PTPRD: variants seen among roughly 807,000 people sequenced by gnomAD.
The protein encoded by PTPRD is protein tyrosine phosphatase receptor type D.
Under a neutral mutation model 214.5 loss-of-function variants are expected in PTPRD, and 34 were observed. That is an observed-to-expected ratio of 0.16 (90% CI 0.12 to 0.21). The LOEUF is 0.21. Ranked by LOEUF, PTPRD falls within the 10% of genes least tolerant of loss-of-function variation. The probability of loss-of-function intolerance (pLI) is 1.00; values close to 1 mark genes in which losing one functional copy is unlikely to be tolerated. For missense variants in PTPRD, 2,545 were observed against 2,398.7 expected (o/e 1.06, Z -1.27); for synonymous variants, 1,128 against 845.7 (o/e 1.33, Z -5.79).
intron 8 of PTPRD, among the ~76,000 whole-genome samples, chr9:9,478,928 A>G (rs2095257218): frequency 6.6e-6 from 1 of 152,026 alleles, no homozygotes; most frequent in African/African-American, 2.4e-5. Flanking sequence ...TTTTTTGGCA[A>G]CTCTTGGTTT....
At chr9:9,547,219 C>G (rs940223210) in intron 8 of PTPRD, among the ~76,000 whole-genome samples, 1 of 152,028 alleles carries the variant, frequency 6.6e-6, no homozygotes, top group African/African-American at 2.4e-5. Context: ...ACAATTATTT[C>G]AGAAAAAGTA....
chr9:9,284,287 G>C (rs1268155983), intron 9 of PTPRD, among the ~76,000 whole-genome samples: 1 of 151,562 alleles, frequency 6.6e-6, no homozygotes, highest in Non-Finnish European at 1.5e-5. Context: ...AAGTTTGTTG[G>C]TTTTTATTAT....
chr9:9,047,194 C>A (rs972056629), intron 10 of PTPRD, among the ~76,000 whole-genome samples: 3 of 151,802 alleles, frequency 2.0e-5, no homozygotes, highest in African/African-American at 4.8e-5. Flanking sequence ...AGGAATTAAC[C>A]AAACAAGTGA....
intron 9 of PTPRD, among the ~76,000 whole-genome samples, chr9:9,270,834 C>T (rs1409215696): frequency 1.3e-5 from 2 of 151,274 alleles, no homozygotes; most frequent in Non-Finnish European, 3.0e-5. Flanking sequence ...GATTCACACA[C>T]ATTTTAAGGG....
chr9:9,221,154 C>T (rs1434279953), intron 9 of PTPRD, among the ~76,000 whole-genome samples: 1 of 152,058 alleles, frequency 6.6e-6, no homozygotes, highest in African/African-American at 2.4e-5. Context: ...ATTGCCTCAA[C>T]AATTTGCCTT....
chr9:8,716,296 C>G (rs1195172919), intron 12 of PTPRD, among the ~76,000 whole-genome samples: 1 of 152,094 alleles, frequency 6.6e-6, no homozygotes, highest in Non-Finnish European at 1.5e-5. Flanking sequence ...ATTCATCATC[C>G]CAAATTCACA....
At chr9:8,841,220 G>A (rs1316792008) in intron 11 of PTPRD, among the ~76,000 whole-genome samples, 2 of 152,094 alleles carry the variant, frequency 1.3e-5, no homozygotes, top group African/African-American at 2.4e-5. Context: ...GTATACATAA[G>A]CACAATTAAA....
At chr9:9,256,522 T>G (rs2099977772) in intron 9 of PTPRD, among the ~76,000 whole-genome samples, 1 of 151,928 alleles carries the variant, frequency 6.6e-6, no homozygotes, top group African/African-American at 2.4e-5. Flanking sequence ...CTAATAAAAA[T>G]TCCTTGCCTT....
rs535599969 is a variant in PTPRD at position 9,256,401 on chromosome 9, A to AT, written c.-202-73039dup. Among the ~76,000 whole-genome samples, 589 of 150,942 alleles carry AT rather than the reference A, an allele frequency of 3.9e-3. 6 individuals carry two copies. The highest frequency in any genetic ancestry group is 0.013 in the African/African-American group (547 of 41,126). ...ATAATATCTGCATTTTGGTCCTTACATTTTTTTTCTCTCTTTTTTTTCCAT... is the reference window on the plus strand; with the variant it reads ...ATAATATCTGCATTTTGGTCCTTACATTTTTTTTTCTCTCTTTTTTTTCCAT... On this transcript the variant is annotated intron_variant, in intron 9 of 45. Transcript: ENST00000381196.
chr9:8,923,808 T>C (rs2098844891), intron 11 of PTPRD, among the ~76,000 whole-genome samples: 1 of 152,130 alleles, frequency 6.6e-6, no homozygotes, highest in African/African-American at 2.4e-5. Context: ...CAGATGGAGG[T>C]AACACACCTC....
chr9:9,839,315 C>G (rs1308915276), intron 5 of PTPRD, among the ~76,000 whole-genome samples: 1 of 152,012 alleles, frequency 6.6e-6, no homozygotes, highest in Non-Finnish European at 1.5e-5. Context: ...ATTGTCTCAG[C>G]CCAAAATCTC....
At chr9:9,817,229 A>G (rs2049056558) in intron 5 of PTPRD, among the ~76,000 whole-genome samples, 1 of 152,296 alleles carries the variant, frequency 6.6e-6, no homozygotes, top group East Asian at 1.9e-4. Flanking sequence ...ACTCATTGCT[A>G]AATCTTTTAA....
intron 11 of PTPRD, among the ~76,000 whole-genome samples, chr9:8,923,466 G>A (rs1304354686): frequency 6.6e-6 from 1 of 151,906 alleles, no homozygotes; most frequent in Admixed American, 6.6e-5. Context: ...TGTGGCCCGT[G>A]GTCCAAACAG....
intron 12 of PTPRD, among the ~76,000 whole-genome samples, chr9:8,730,499 C>G (rs2098645357): frequency 6.6e-6 from 1 of 152,122 alleles, no homozygotes; most frequent in Non-Finnish European, 1.5e-5. Context: ...ATTATAATGA[C>G]CACAGTGTAA....
At chr9:9,794,206 T>G (rs939693340) in intron 5 of PTPRD, among the ~76,000 whole-genome samples, 14 of 151,064 alleles carry the variant, frequency 9.3e-5, no homozygotes, top group Non-Finnish European at 1.6e-4. Context: ...TGTGTGTATA[T>G]ATATATATAT....
intron 5 of PTPRD, among the ~76,000 whole-genome samples, chr9:9,919,777 G>A (rs892778864): frequency 3.3e-5 from 5 of 152,122 alleles, no homozygotes; most frequent in Admixed American, 3.3e-4. Flanking sequence ...TATTTAACCT[G>A]CCTGAGTGAG....
chr9:8,484,605 G>GATATATATATATATATATATATATAT (rs1392070274), intron 29 of PTPRD, among the ~76,000 whole-genome samples: 90 of 121,478 alleles, frequency 7.4e-4, no homozygotes, highest in African/African-American at 2.8e-3. Flanking sequence ...AATACACAAA[G>GATATATATATATATATATATATATAT]ATAGATATAT....
intron 9 of PTPRD, among the ~76,000 whole-genome samples, chr9:9,187,588 G>C (rs1334383807): frequency 1.3e-5 from 2 of 151,496 alleles, no homozygotes; most frequent in Non-Finnish European, 2.9e-5. Context: ...CTCCCTCCCT[G>C]CTTCCCTCTC....
Position 9,750,609 on chromosome 9 carries a change from G to A in PTPRD, c.-325-16038C>T, listed in dbSNP as rs545585532. ...TAATGTGAAACTCTAACTTCCTACA[G>A]AGGTTTGCACTAGGGGTGTGGGTAT... On this transcript the variant is annotated intron_variant, in intron 6 of 45. Transcript: ENST00000381196. Among the ~76,000 whole-genome samples the A allele has an allele frequency of 3.3e-5, 5 of 152,224 alleles. No individual in the cohort carries two copies. In the South Asian group the frequency reaches 1.0e-3, roughly 32 times the overall value.
Sources: allele counts gnomAD v4.1 joint callset (sites outside exome capture counted in the v4.1 genomes callset), GRCh38; gene constraint gnomAD v4.1.1; transcripts MANE v1.5; gene names NCBI Gene and HGNC (gene_info 2026-07-23, HGNC 2026-07-21).